The following SLC19A2 variants were observed in gnomAD, a reference collection of about 807,000 sequenced individuals.
SLC19A2 encodes thiamine transporter 1.
Under a neutral mutation model 44.7 loss-of-function variants are expected in SLC19A2, and 27 were observed. That is an observed-to-expected ratio of 0.60 (90% CI 0.45 to 0.83). SLC19A2 has a LOEUF of 0.83. SLC19A2 is among the 40% of genes least tolerant of loss of function. The pLI, the probability that SLC19A2 is intolerant of heterozygous loss-of-function variation, is 0.00. For synonymous variants in SLC19A2, 239 were observed against 243.6 expected (o/e 0.98, Z 0.18); for missense variants, 566 against 613.7 (o/e 0.92, Z 0.82).
chr1:169,470,856 T>G (rs1658155317), intron 2 of SLC19A2, among the ~76,000 whole-genome samples: 1 of 152,194 alleles, frequency 6.6e-6, no homozygotes, highest in South Asian at 2.1e-4. Flanking sequence ...AGACACTCTG[T>G]GAGATATCTC....
At chr1:169,468,382 C>A in intron 4 of SLC19A2, 130 bp from the exon 5 acceptor site, 1 of 820,172 alleles carries the variant, frequency 1.2e-6, no homozygotes. Context: ...ATTGCCTTTC[C>A]AACCAAATGA....
intron 1 of SLC19A2, among the ~76,000 whole-genome samples, chr1:169,480,503 A>G (rs999721938): frequency 6.6e-6 from 1 of 152,032 alleles, no homozygotes; most frequent in Non-Finnish European, 1.5e-5. Flanking sequence ...TGGGAGAGAC[A>G]GGGTTTCAAT....
At chr1:169,471,463 CCA>C (rs59833853) in intron 2 of SLC19A2, among the ~76,000 whole-genome samples, 4,707 of 117,906 alleles carry the variant, frequency 0.04, 142 homozygotes, top group African/African-American at 0.087. Flanking sequence ...GATCCCGTCT[CCA>C]CACACACACA....
At chr1:169,484,153 G>A (rs927301356) in intron 1 of SLC19A2, among the ~76,000 whole-genome samples, 2 of 152,180 alleles carry the variant, frequency 1.3e-5, no homozygotes, top group Non-Finnish European at 2.9e-5. Context: ...TGCTAGAAGT[G>A]AACAAATGTC....
chr1:169,478,370 T>C (rs1658375681), intron 1 of SLC19A2, among the ~76,000 whole-genome samples: 1 of 151,818 alleles, frequency 6.6e-6, no homozygotes, highest in Admixed American at 6.6e-5. Flanking sequence ...TTTTGTTTTT[T>C]TGAGACAGGG....
At chr1:169,478,177 G>T (rs1408356532) in intron 1 of SLC19A2, among the ~76,000 whole-genome samples, 1 of 152,092 alleles carries the variant, frequency 6.6e-6, no homozygotes, top group Non-Finnish European at 1.5e-5. Flanking sequence ...GATTACAAGG[G>T]TGAGCCACCT....
intron 1 of SLC19A2, among the ~76,000 whole-genome samples, chr1:169,484,845 T>C (rs1418315341): frequency 3.3e-5 from 5 of 152,200 alleles, no homozygotes; most frequent in Non-Finnish European, 7.3e-5. Flanking sequence ...AGACATCACC[T>C]TGTATCTGAG....
chr1:169,472,138 G>T (rs764646044), intron 2 of SLC19A2, among the ~76,000 whole-genome samples: 5 of 152,152 alleles, frequency 3.3e-5, no homozygotes, highest in African/African-American at 4.8e-5. Flanking sequence ...CAAACCTTGT[G>T]AATTTAAACA....
chr1:169,482,619 T>A (rs1557893585), intron 1 of SLC19A2, among the ~76,000 whole-genome samples: 1 of 152,190 alleles, frequency 6.6e-6, no homozygotes, highest in Non-Finnish European at 1.5e-5. Flanking sequence ...GTATTTATAA[T>A]GGAAATAGGA....
chr1:169,482,470 G>T (rs2101785074), intron 1 of SLC19A2, among the ~76,000 whole-genome samples: 1 of 152,168 alleles, frequency 6.6e-6, no homozygotes, highest in Middle Eastern at 3.4e-3. Flanking sequence ...AAACCTGGGA[G>T]GTAGACGTTG....
At chr1:169,472,029 C>A (rs555900794) in intron 2 of SLC19A2, among the ~76,000 whole-genome samples, 9 of 152,226 alleles carry the variant, frequency 5.9e-5, no homozygotes, top group African/African-American at 2.2e-4. Flanking sequence ...GAAGTACCGA[C>A]ACTTGAAAAT....
chr1:169,469,160 T>C (rs1332002836), intron 3 of SLC19A2: 1 of 342,440 alleles, frequency 2.9e-6, no homozygotes, highest in Non-Finnish European at 5.5e-6. Flanking sequence ...AGCTTCTAAT[T>C]TGGCATCATG....
chr1:169,477,925 T>A (rs1036568273), intron 1 of SLC19A2, among the ~76,000 whole-genome samples, 168 bp from the exon 2 acceptor site: 2 of 152,184 alleles, frequency 1.3e-5, no homozygotes, highest in Non-Finnish European at 2.9e-5. Context: ...CTTTTTTGTT[T>A]GAGATGGAGT....
chr1:169,485,559 G>T lies in SLC19A2; in HGVS notation c.204+4C>A, dbSNP rs749386075. The T allele has an allele frequency of 3.2e-6, 5 of 1,581,904 alleles. No homozygotes were observed. In the South Asian group the frequency reaches 5.8e-5, roughly 18 times the overall value. On this transcript the variant is annotated splice_donor_region_variant and intron_variant, in intron 1 of 5. Transcript: ENST00000236137. ...TTCCCGCGCCCCGCGTCCGCCGCGC[G>T]TACCTCCCTCTCGGTCAGGTTCTTG...
At chr1:169,477,849 C>T (rs1658361914) in intron 1 of SLC19A2, 92 bp from the exon 2 acceptor site, 2 of 1,250,790 alleles carry the variant, frequency 1.6e-6, no homozygotes, top group Non-Finnish European at 1.1e-6. Flanking sequence ...AAACAACCTA[C>T]AAATACCTCA....
chr1:169,477,779 A>C, intron 1 of SLC19A2, 22 bp from the exon 2 acceptor site: 1 of 1,590,486 alleles, frequency 6.3e-7, no homozygotes, highest in Non-Finnish European at 8.6e-7. Flanking sequence ...AGAAAAAAAA[A>C]AAACAAAAAA....
intron 3 of SLC19A2, 33 bp downstream of exon 3, chr1:169,469,931 C>A (rs186051606): frequency 3.8e-6 from 6 of 1,588,554 alleles, no homozygotes; most frequent in Middle Eastern, 2.1e-4. Context: ...ATCCCTCCCC[C>A]ACCACGACCC....
Position 169,477,618 on chromosome 1 carries a change from A to G in SLC19A2, c.344T>C (p.Leu115Pro), listed in dbSNP as rs1200510559. The G allele has an allele frequency of 6.2e-7, 1 of 1,614,224 alleles. No individual in the cohort carries two copies. Among genetic ancestry groups the G allele is most frequent in the Non-Finnish European group, 8.5e-7 (1 of 1,180,028 alleles). Reference protein sequence around the residue: ...GLSLIVTWFMLLYAQGLLAIQ... With the variant: ...GLSLIVTWFMPLYAQGLLAIQ... ...GGCCAGCAGTCCCTGGGCATAGAGC[A>G]GCATAAACCATGTAACAATAAGGCT... The change falls in exon 2 of 6, where the codon CTG becomes CCG. Residue 115 changes from leucine to proline, a missense_variant. Physicochemically the swap from Leu to Pro is moderately conservative, Grantham distance 98. Transcript: ENST00000236137.
chr1:169,470,135 G>A lies in SLC19A2; in HGVS notation c.859C>T (p.Leu287=). The A allele has an allele frequency of 6.2e-7, 1 of 1,614,068 alleles. No individual in the cohort carries two copies. The highest frequency in any genetic ancestry group is 1.1e-5 in the South Asian group (1 of 91,076). Residue 287 remains leucine, a synonymous_variant, in exon 3 of 6, where the codon CTG becomes TTG. Transcript: ENST00000236137. ...AGAGGGCGAGAGGAGTAGCACATCA[G>A]GAAATCATTCCATAGTACTTTCAAT... is the stretch of plus-strand genomic sequence containing the variant. ...LVLKVLWNDF[L]MCYSSRPLLC... is the part of the protein sequence containing the mutation.
Sources: allele counts gnomAD v4.1 joint callset (sites outside exome capture counted in the v4.1 genomes callset), GRCh38; gene constraint gnomAD v4.1.1; transcripts MANE v1.5; gene names NCBI Gene and HGNC (gene_info 2026-07-23, HGNC 2026-07-21).